Variants in IFT52 observed in about 807,000 individuals in gnomAD.
IFT52 encodes the protein intraflagellar transport 52.
In IFT52, 44 loss-of-function variants were observed where a neutral mutation model predicts 54.4. The ratio of observed to expected loss-of-function variants is 0.81; its 90% CI spans 0.63 to 1.04. The LOEUF (loss-of-function observed/expected upper bound fraction) is 1.04. Ranked by LOEUF, IFT52 falls within the 50% of genes least tolerant of loss-of-function variation. The pLI, the probability that IFT52 is intolerant of heterozygous loss-of-function variation, is 0.00. For synonymous variants in IFT52, 181 were observed against 185.3 expected (o/e 0.98, Z 0.19); for missense variants, 452 against 523.6 (o/e 0.86, Z 1.33).
chr20:43,607,538 C>T (rs1983039324), intron 6 of IFT52, among the ~76,000 whole-genome samples: 1 of 147,336 alleles, frequency 6.8e-6, no homozygotes, highest in South Asian at 2.2e-4. Context: ...GACGGGGCGG[C>T]GTGGCAGAGG....
At chr20:43,628,716 T>G (rs1458278770) in intron 10 of IFT52, among the ~76,000 whole-genome samples, 1 of 152,030 alleles carries the variant, frequency 6.6e-6, no homozygotes. Flanking sequence ...CCGAGCTTGG[T>G]GGTGCGCGCC....
chr20:43,624,348 T>C (rs901520821), intron 10 of IFT52, among the ~76,000 whole-genome samples: 8 of 151,990 alleles, frequency 5.3e-5, no homozygotes, highest in African/African-American at 1.9e-4. Context: ...CCCAGGAAAA[T>C]GGAGTCCCAA....
chr20:43,615,812 C>T (rs1446699319), intron 7 of IFT52, among the ~76,000 whole-genome samples: 7 of 152,138 alleles, frequency 4.6e-5, no homozygotes, highest in South Asian at 2.1e-4. Context: ...TGTGGTGGCA[C>T]GCGCCTGTAA....
chr20:43,636,637 C>A (rs1985558262), intron 11 of IFT52, among the ~76,000 whole-genome samples: 1 of 152,188 alleles, frequency 6.6e-6, no homozygotes. Context: ...TTCATACCTA[C>A]AAAATGTGAC....
At chr20:43,635,295 A>G (rs1216726282) in intron 10 of IFT52, among the ~76,000 whole-genome samples, 2 of 151,812 alleles carry the variant, frequency 1.3e-5, no homozygotes, top group African/African-American at 2.4e-5. Flanking sequence ...ACATGATCTC[A>G]TTCTTTTTTT....
At chr20:43,604,346 A>G (rs761582497) in intron 5 of IFT52, 88 bp downstream of exon 5, 145 of 940,438 alleles carry the variant, frequency 1.5e-4, no homozygotes, top group Admixed American at 7.9e-4. Flanking sequence ...AGGTGGATGG[A>G]TCATTTTGAG....
Position 43,622,767 on chromosome 20 carries a change from A to AATATAAATATATACATATTT in IFT52, c.769-1124_769-1123insATATAAATATATACATATTT, listed in dbSNP as rs1568768291. Among the ~76,000 whole-genome samples, 302 of 120,770 alleles carry AATATAAATATATACATATTT rather than the reference A, an allele frequency of 2.5e-3. 11 individuals carry two copies. Among genetic ancestry groups the AATATAAATATATACATATTT allele is most frequent in the African/African-American group, 4.8e-3 (147 of 30,750 alleles). 79.2% of individuals were successfully genotyped at this position (120,770 alleles called of 152,430 possible). On this transcript the variant is annotated intron_variant, in intron 9 of 13. Coordinates refer to ENST00000373030, the MANE Select transcript of IFT52 (RefSeq NM_016004.5). ...TTTATGTAAATATAAATATATACAA[A>AATATAAATATATACATATTT]TTGTGTGTAAATATAAATATATACA...
chr20:43,617,449 G>GT lies in IFT52; in HGVS notation c.613-1479dup, dbSNP rs11290246. The stretch of plus-strand genomic sequence containing the variant: ...CTCATGCTTGTGCCTTAGTTTTCTG[G>GT]TTTTTTTTTTTTGAGACGGAGTCTC... On this transcript the variant is annotated intron_variant, in intron 7 of 13. Coordinates refer to ENST00000373030, the MANE Select transcript of IFT52 (RefSeq NM_016004.5). 5.2e-3 allele frequency among the ~76,000 whole-genome samples: 763 copies of GT among 145,594 alleles called. 4 individuals carry two copies. Among genetic ancestry groups the GT allele is most frequent in the South Asian group, 0.012 (54 of 4,602 alleles).
intron 6 of IFT52, among the ~76,000 whole-genome samples, chr20:43,609,431 C>T (rs1250093762): frequency 6.6e-6 from 1 of 151,936 alleles, no homozygotes; most frequent in East Asian, 1.9e-4. Flanking sequence ...ATTTTCATAC[C>T]ACACCCCAAA....
At chr20:43,607,230 C>T (rs1187914917) in intron 6 of IFT52, among the ~76,000 whole-genome samples, 1 of 146,088 alleles carries the variant, frequency 6.8e-6, no homozygotes, top group East Asian at 2.0e-4. Context: ...CCCCACCTCC[C>T]TCCCGGACGG....
intron 7 of IFT52, among the ~76,000 whole-genome samples, chr20:43,616,509 CAAAA>C (rs1020264770): frequency 8.2e-5 from 5 of 60,722 alleles, no homozygotes; most frequent in Admixed American, 1.8e-4. Context: ...ACACTGTCTC[CAAAA>C]AAAAAAAAAA....
intron 10 of IFT52, among the ~76,000 whole-genome samples, chr20:43,635,197 AAAAG>A (rs1985444226): frequency 6.6e-6 from 1 of 152,024 alleles, no homozygotes; most frequent in Non-Finnish European, 1.5e-5. Context: ...GAAAAAAAAA[AAAAG>A]GACATGTGGT....
chr20:43,607,261 G>A (rs1982990870), intron 6 of IFT52, among the ~76,000 whole-genome samples: 1 of 149,088 alleles, frequency 6.7e-6, no homozygotes, highest in African/African-American at 2.5e-5. Flanking sequence ...CGGGCGGGGG[G>A]CTGACCCCCC....
intron 7 of IFT52, among the ~76,000 whole-genome samples, chr20:43,615,046 T>A (rs1983753647): frequency 6.6e-6 from 1 of 152,006 alleles, no homozygotes; most frequent in Non-Finnish European, 1.5e-5. Flanking sequence ...TGACCTCAAG[T>A]GATTCACCCA....
intron 10 of IFT52, among the ~76,000 whole-genome samples, chr20:43,630,374 T>C (rs1011966389): frequency 6.6e-6 from 1 of 152,130 alleles, no homozygotes; most frequent in Non-Finnish European, 1.5e-5. Flanking sequence ...GTCAGCAGAG[T>C]CAAATAGTGG....
At position 43,624,081 on chromosome 20, in the gene IFT52, C is replaced by G. The variant is rs901471358; in HGVS notation, c.923+36C>G. ...GTGGGCCTCTGAGCCACACTGCACT[C>G]CATTCTGAGTGTTTGGTTTGGAAAC... On this transcript the variant is annotated intron_variant, in intron 10 of 13. Coordinates refer to ENST00000373030, the MANE Select transcript of IFT52 (RefSeq NM_016004.5). The G allele has an allele frequency of 3.7e-6, 6 of 1,602,368 alleles. No homozygotes were observed. The African/African-American group carries it at 8.1e-5, about 21-fold the overall frequency.
intron 6 of IFT52, among the ~76,000 whole-genome samples, chr20:43,608,867 C>T (rs750748742): frequency 3.3e-5 from 5 of 152,064 alleles, no homozygotes; most frequent in South Asian, 2.1e-4. Flanking sequence ...GAGATTGCGC[C>T]GCTGCACTCC....
intron 9 of IFT52, among the ~76,000 whole-genome samples, chr20:43,622,690 T>A: frequency 6.8e-6 from 1 of 147,532 alleles, no homozygotes; most frequent in South Asian, 2.1e-4. Flanking sequence ...ACATATTTTA[T>A]GTAAATATAA....
At chr20:43,637,706 T>C (rs73274344) in intron 12 of IFT52, among the ~76,000 whole-genome samples, 1,763 of 152,316 alleles carry the variant, frequency 0.012, 39 homozygotes, top group African/African-American at 0.041. Flanking sequence ...CATTCTTATT[T>C]ATGTCATGTA....
Sources: gnomAD v4.1 joint callset for allele counts (sites outside exome capture counted in the v4.1 genomes callset) on GRCh38, gnomAD v4.1.1 for gene constraint, MANE v1.5 for transcripts, NCBI Gene and HGNC (gene_info 2026-07-23, HGNC 2026-07-21) for gene names.